CEP128: variants seen among roughly 807,000 people sequenced by gnomAD.
The protein encoded by CEP128 is centrosomal protein 128kDa.
In CEP128, 132 loss-of-function variants were observed where a neutral mutation model predicts 156.7. The observed-to-expected ratio is 0.84, with a 90% confidence interval of 0.73 to 0.97. The LOEUF is 0.97. Among genes scored for constraint, CEP128 ranks in the 50% least tolerant of loss-of-function variants. The pLI is 0.00. For missense variants in CEP128, 1,252 were observed against 1,281.9 expected (o/e 0.98, Z 0.36); for synonymous variants, 469 against 448.9 (o/e 1.04, Z -0.57).
At chr14:80,937,926 T>C (rs1885905798) in intron 2 of CEP128, among the ~76,000 whole-genome samples, 1 of 151,566 alleles carries the variant, frequency 6.6e-6, no homozygotes, top group Non-Finnish European at 1.5e-5. Flanking sequence ...AGACAGCATC[T>C]TACTCTGTCA....
chr14:80,669,615 T>C lies in CEP128; in HGVS notation c.2806+73460A>G, dbSNP rs148161366. ...AATGCAAATTAAAACCACAATAACA[T>C]ACCATCTTACAGTAGTCAGTACGGC... On this transcript the variant is annotated intron_variant, in intron 19 of 24. Coordinates refer to ENST00000555265, the MANE Select transcript of CEP128 (RefSeq NM_152446.5). Among the ~76,000 whole-genome samples the C allele has an allele frequency of 3.2e-4, 49 of 152,264 alleles. No homozygotes were observed. The East Asian group carries it at 9.3e-3, about 29-fold the overall frequency.
intron 19 of CEP128, among the ~76,000 whole-genome samples, chr14:80,727,583 A>T (rs141045883): frequency 6.6e-6 from 1 of 152,192 alleles, no homozygotes; most frequent in Admixed American, 6.5e-5. Flanking sequence ...ATCAACAAAC[A>T]GACAACCTAC....
downstream of CEP128, among the ~76,000 whole-genome samples, chr14:80,487,053 A>G (rs943605266): frequency 6.6e-6 from 1 of 152,200 alleles, no homozygotes; most frequent in African/African-American, 2.4e-5. Flanking sequence ...AATGGGCTAA[A>G]TGCTCCAATT....
intron 21 of CEP128, among the ~76,000 whole-genome samples, chr14:80,547,743 C>T (rs1358487094): frequency 2.0e-5 from 3 of 151,708 alleles, no homozygotes; most frequent in African/African-American, 7.3e-5. Context: ...ATTTTGTGAA[C>T]ACCCCAGATT....
chr14:80,682,817 A>G (rs375713744), intron 19 of CEP128, among the ~76,000 whole-genome samples: 10 of 152,336 alleles, frequency 6.6e-5, no homozygotes, highest in South Asian at 4.1e-4. Context: ...TAAATTCCAA[A>G]AAACAATTTC....
At chr14:80,498,976 A>G (rs1887617309) in intron 24 of CEP128, among the ~76,000 whole-genome samples, 1 of 152,244 alleles carries the variant, frequency 6.6e-6, no homozygotes, top group African/African-American at 2.4e-5. Context: ...TCAATTATTT[A>G]AAAATATCCG....
intron 19 of CEP128, among the ~76,000 whole-genome samples, chr14:80,740,443 T>TACACACACACACAC (rs1405167819): frequency 3.1e-5 from 3 of 95,488 alleles, no homozygotes; most frequent in Non-Finnish European, 7.0e-5. Flanking sequence ...AAAATGTATA[T>TACACACACACACAC]ACACATACAC....
At chr14:80,766,129 C>T (rs767656752) in intron 16 of CEP128, among the ~76,000 whole-genome samples, 4 of 152,266 alleles carry the variant, frequency 2.6e-5, no homozygotes, top group Admixed American at 6.5e-5. Context: ...TATCCATCTG[C>T]GCTGAAGAAG....
intron 20 of CEP128, among the ~76,000 whole-genome samples, chr14:80,566,186 G>A (rs1440533954): frequency 6.6e-6 from 1 of 152,156 alleles, no homozygotes; most frequent in African/African-American, 2.4e-5. Flanking sequence ...AGAGACCACT[G>A]CATGGCGTTC....
At chr14:80,876,687 A>C (rs1448222899) in intron 8 of CEP128, among the ~76,000 whole-genome samples, 1 of 115,958 alleles carries the variant, frequency 8.6e-6, no homozygotes, top group Non-Finnish European at 1.9e-5. Flanking sequence ...TTTAAAATAC[A>C]GAATAGAGGG....
At chr14:80,937,339 A>G (rs1256629138) in intron 2 of CEP128, among the ~76,000 whole-genome samples, 1 of 152,158 alleles carries the variant, frequency 6.6e-6, no homozygotes, top group Non-Finnish European at 1.5e-5. Flanking sequence ...TGTAATATAC[A>G]TAGACGTTGA....
chr14:80,672,677 T>C (rs551441330), intron 19 of CEP128, among the ~76,000 whole-genome samples: 14 of 152,222 alleles, frequency 9.2e-5, no homozygotes, highest in Non-Finnish European at 1.8e-4. Flanking sequence ...ATATGGTTTA[T>C]TGTCCCATTT....
intron 23 of CEP128, among the ~76,000 whole-genome samples, chr14:80,520,452 A>T (rs1888689451): frequency 7.2e-6 from 1 of 139,114 alleles, no homozygotes; most frequent in Admixed American, 7.4e-5. Flanking sequence ...AAAAAACAAC[A>T]TTCATTTACC....
chr14:80,611,264 C>T (rs766502335), intron 19 of CEP128, among the ~76,000 whole-genome samples: 7 of 149,424 alleles, frequency 4.7e-5, no homozygotes, highest in Non-Finnish European at 8.9e-5. Flanking sequence ...TATTAAGAAC[C>T]TTACATTGCC....
exon 15 of CEP128, chr14:80,477,010 T>A (rs929890748): frequency 2.6e-5 from 4 of 152,190 alleles, no homozygotes; most frequent in Non-Finnish European, 5.9e-5. Context: ...TTATTTATTT[T>A]TTTATTTTTT....
chr14:80,940,424 C>A (rs1340768683), intron 1 of CEP128, among the ~76,000 whole-genome samples: 1 of 152,216 alleles, frequency 6.6e-6, no homozygotes, highest in Non-Finnish European at 1.5e-5. Flanking sequence ...AGTCACTAGA[C>A]ACATGGCTAC....
At chr14:80,808,831 C>T (rs748520040) in intron 13 of CEP128, among the ~76,000 whole-genome samples, 35 of 152,170 alleles carry the variant, frequency 2.3e-4, no homozygotes, top group Non-Finnish European at 4.3e-4. Flanking sequence ...AGGGCCCTTC[C>T]CAACCAACGC....
rs576284089 is a variant in CEP128 at position 80,641,070 on chromosome 14, G to A, written c.2807-60647C>T. On this transcript the variant is annotated intron_variant, in intron 19 of 24. Coordinates refer to ENST00000555265, the MANE Select transcript of CEP128 (RefSeq NM_152446.5). The stretch of plus-strand genomic sequence containing the variant: ...AATGGCCCTTCACAAACATGTTCCC[G>A]AGTTTAGTTTTCTCTTTTTTGTAGA... Among the ~76,000 whole-genome samples the A allele has an allele frequency of 2.0e-5, 3 of 152,222 alleles. No individual in the cohort carries two copies. In the South Asian group the frequency reaches 6.2e-4, roughly 32 times the overall value.
chr14:80,859,878 T>C (rs1174179590), intron 9 of CEP128, among the ~76,000 whole-genome samples: 2 of 152,148 alleles, frequency 1.3e-5, no homozygotes, highest in African/African-American at 2.4e-5. Context: ...CCCTGTAATA[T>C]ATTATACCTT....
Sources: allele counts gnomAD v4.1 joint callset (sites outside exome capture counted in the v4.1 genomes callset), GRCh38; gene constraint gnomAD v4.1.1; transcripts MANE v1.5; gene names NCBI Gene and HGNC (gene_info 2026-07-23, HGNC 2026-07-21).